VAPB: variants seen among roughly 807,000 people sequenced by gnomAD.
VAPB encodes VAMP associated protein B and C.
A neutral mutation model predicts 25.6 loss-of-function variants in VAPB; 7 were observed. That is an observed-to-expected ratio of 0.27 (90% confidence interval 0.16 to 0.51). The LOEUF (loss-of-function observed/expected upper bound fraction) is 0.51, where lower values mean the gene tolerates loss of function less well. Among genes scored for constraint, VAPB ranks in the 20% least tolerant of loss-of-function variants. The probability of loss-of-function intolerance (pLI) is 0.97; values close to 1 mark genes in which losing one functional copy is unlikely to be tolerated. For missense variants in VAPB, 266 were observed against 301.3 expected, an observed-to-expected ratio of 0.88 and a Z score of 0.87; for synonymous variants, 112 against 109.2, an observed-to-expected ratio of 1.03 and a Z score of -0.16.
In VAPB at chr20:58,418,380, G is replaced by C; in HGVS notation, c.211+17G>C. The C allele has an allele frequency of 6.2e-7, 1 of 1,613,396 alleles. No individual in the cohort carries two copies. Among genetic ancestry groups the C allele is most frequent in the Non-Finnish European group, 8.5e-7 (1 of 1,179,618 alleles). On this transcript the variant is annotated intron_variant, in intron 2 of 5. Coordinates refer to ENST00000475243, the MANE Select transcript of VAPB (RefSeq NM_004738.5). Reference sequence around the variant, plus strand: ...ATGTATCTGGTAAGTCCTGAGACTGGAGGCCTAGAGGGTGGGCTCAGAAGG... The same window carrying C: ...ATGTATCTGGTAAGTCCTGAGACTGCAGGCCTAGAGGGTGGGCTCAGAAGG...
At chr20:58,443,966 A>G in intron 5 of VAPB, 111 bp from the exon 6 acceptor site, 1 of 1,518,276 alleles carries the variant, frequency 6.6e-7, no homozygotes, top group Non-Finnish European at 9.1e-7. Flanking sequence ...CGGTTGGACC[A>G]TATCATGTCA....
chr20:58,444,910 A>G lies in VAPB; in HGVS notation c.*675A>G, dbSNP rs1223024472. ...AAATTTGTATTGGTTCATGTAGTGA[A>G]GTCAAACTGTTATTCAGAGATGTTT... On this transcript the variant is annotated 3_prime_UTR_variant, in exon 6 of 6. Coordinates refer to ENST00000475243, the MANE Select transcript of VAPB (RefSeq NM_004738.5). The G allele has an allele frequency of 4.4e-6, 2 of 454,492 alleles. No homozygotes were observed. Among genetic ancestry groups the G allele is most frequent in the East Asian group, 1.4e-4 (2 of 14,416 alleles). 28.2% of individuals were successfully genotyped at this position (454,492 alleles called of 1,614,324 possible). A position where few individuals can be genotyped will look rare whatever the true frequency, so the allele number is the denominator to read the frequency against.
Position 58,414,480 on chromosome 20 carries a change from C to T in VAPB, c.59-3731C>T, listed in dbSNP as rs192768793. ...CCCACTCCTCAGACGGGGCGGTTGCCGGGCAGAGGGTCTCCTCACCTCTCA... is the reference window on the plus strand; with the variant it reads ...CCCACTCCTCAGACGGGGCGGTTGCTGGGCAGAGGGTCTCCTCACCTCTCA... On this transcript the variant is annotated intron_variant, in intron 1 of 5. Coordinates refer to ENST00000475243, the MANE Select transcript of VAPB (RefSeq NM_004738.5). Among the ~76,000 whole-genome samples the T allele has an allele frequency of 8.4e-3, 1,271 of 151,226 alleles. 15 individuals are homozygous for T. Among genetic ancestry groups the T allele is most frequent in the African/African-American group, 0.029 (1,195 of 41,158 alleles).
intron 1 of VAPB, among the ~76,000 whole-genome samples, chr20:58,402,971 C>T (rs564761491): frequency 1.3e-5 from 2 of 152,248 alleles, no homozygotes; most frequent in Admixed American, 6.5e-5. Context: ...TGCCACTGCA[C>T]TCCACTCTGG....
chr20:58,419,684 A>G (rs2268920), intron 2 of VAPB, among the ~76,000 whole-genome samples: 51,031 of 151,946 alleles, frequency 0.34, 8,894 homozygotes, highest in African/African-American at 0.35. Context: ...GAAAGGAAGG[A>G]ACTGGGATTT....
intron 1 of VAPB, chr20:58,390,137 T>G (rs1310855762): frequency 6.6e-6 from 1 of 152,306 alleles, no homozygotes; most frequent in African/African-American, 2.4e-5. Context: ...GATGAACATG[T>G]TGAACCAACA....
intron 1 of VAPB, 129 bp from the exon 2 acceptor site, chr20:58,418,082 C>A (rs1988584707): frequency 1.6e-6 from 2 of 1,252,898 alleles, no homozygotes; most frequent in African/African-American, 1.5e-5. Context: ...TCTCTTTCAT[C>A]CATTGGCATG....
chr20:58,437,446 A>G (rs1989073500), intron 3 of VAPB, among the ~76,000 whole-genome samples: 2 of 152,122 alleles, frequency 1.3e-5, no homozygotes, highest in Admixed American at 1.3e-4. Flanking sequence ...ATGCTGTTTG[A>G]TCACTTGGTT....
intron 2 of VAPB, among the ~76,000 whole-genome samples, chr20:58,430,325 A>G (rs940584265): frequency 5.3e-5 from 8 of 150,972 alleles, no homozygotes; most frequent in African/African-American, 1.7e-4. Context: ...GCACTCCAGC[A>G]TGAGGGACAG....
intron 1 of VAPB, among the ~76,000 whole-genome samples, chr20:58,408,893 C>T (rs972362642): frequency 6.5e-5 from 8 of 123,554 alleles, no homozygotes; most frequent in Admixed American, 5.4e-4. Flanking sequence ...GACAGACACC[C>T]CCCCCCCCCA....
chr20:58,397,936 A>G (rs947690563), intron 1 of VAPB, among the ~76,000 whole-genome samples: 2 of 152,214 alleles, frequency 1.3e-5, no homozygotes, highest in Non-Finnish European at 2.9e-5. Flanking sequence ...TACGCCAGGC[A>G]TACGAATTGG....
chr20:58,443,921 C>A (rs1401875389), intron 5 of VAPB, among the ~76,000 whole-genome samples, 156 bp from the exon 6 acceptor site: 1 of 152,170 alleles, frequency 6.6e-6, no homozygotes, highest in African/African-American at 2.4e-5. Context: ...AGCCCTTTCC[C>A]CTCTGTAGCC....
intron 2 of VAPB, among the ~76,000 whole-genome samples, chr20:58,428,171 C>G (rs930367501): frequency 6.6e-6 from 1 of 152,238 alleles, no homozygotes; most frequent in Non-Finnish European, 1.5e-5. Flanking sequence ...TCAGGCAACT[C>G]TGATCTTAAT....
In VAPB at chr20:58,444,338, A is replaced by G. The variant is rs1214533375; in HGVS notation, c.*103A>G. 4.5e-6 allele frequency: 7 copies of G among 1,558,164 alleles called. No homozygotes were observed. The East Asian group carries it at 1.1e-4, about 25-fold the overall frequency. ...TAAAAAGAAATTAATGTATGATGAC[A>G]TCTCACAGGTCTTGCCTTTAAATTA... On this transcript the variant is annotated 3_prime_UTR_variant, in exon 6 of 6. Transcript: ENST00000475243.
intron 3 of VAPB, 138 bp from the exon 4 acceptor site, chr20:58,438,807 G>T (rs1989100299): frequency 2.9e-6 from 2 of 697,374 alleles, no homozygotes; most frequent in Non-Finnish European, 4.9e-6. Flanking sequence ...TGAAATCTCA[G>T]CAGACTTCAG....
At chr20:58,402,888 C>G (rs1988133516) in intron 1 of VAPB, among the ~76,000 whole-genome samples, 1 of 152,106 alleles carries the variant, frequency 6.6e-6, no homozygotes, top group Non-Finnish European at 1.5e-5. Flanking sequence ...GCCCATAATC[C>G]CAGCTACTCG....
Position 58,447,058 on chromosome 20 carries a change from G to A in VAPB, c.*2823G>A, listed in dbSNP as rs765171284. The A allele has an allele frequency of 2.2e-5, 10 of 454,072 alleles. No homozygotes were observed. The highest frequency in any genetic ancestry group is 2.0e-4 in the African/African-American group (10 of 50,110). 28.1% of individuals were successfully genotyped at this position (454,072 alleles called of 1,614,324 possible). ...GGATGCCGCTGGGCAGTGTGCATGG[G>A]GGAGCTGCTGCCAGGCTGCCCTCCA... On this transcript the variant is annotated 3_prime_UTR_variant, in exon 6 of 6. Coordinates refer to ENST00000475243, the MANE Select transcript of VAPB (RefSeq NM_004738.5).
At chr20:58,437,392 A>G (rs1429220060) in intron 3 of VAPB, among the ~76,000 whole-genome samples, 1 of 152,110 alleles carries the variant, frequency 6.6e-6, no homozygotes, top group Non-Finnish European at 1.5e-5. Flanking sequence ...TGGCAAGAAT[A>G]TTCCATAGTT....
At chr20:58,409,688 T>C (rs979172743) in intron 1 of VAPB, among the ~76,000 whole-genome samples, 5 of 152,214 alleles carry the variant, frequency 3.3e-5, no homozygotes, top group African/African-American at 9.6e-5. Flanking sequence ...CTAATAACTT[T>C]AAACTTGTAT....
Sources: gnomAD v4.1 joint callset for allele counts (sites outside exome capture counted in the v4.1 genomes callset) on GRCh38, gnomAD v4.1.1 for gene constraint, MANE v1.5 for transcripts, NCBI Gene and HGNC (gene_info 2026-07-23, HGNC 2026-07-21) for gene names.